Variants in OSBPL1A observed in about 807,000 individuals in gnomAD.
OSBPL1A encodes the protein oxysterol-binding protein-related protein 1.
Under a neutral mutation model 137.1 loss-of-function variants are expected in OSBPL1A, and 80 were observed. The observed-to-expected ratio is 0.58, with a 90% confidence interval of 0.49 to 0.70. The LOEUF is 0.70. Among genes scored for constraint, OSBPL1A ranks in the 30% least tolerant of loss-of-function variants. The pLI is 0.00. For synonymous variants in OSBPL1A, 365 were observed against 389.7 expected (o/e 0.94, Z 0.75); for missense variants, 970 against 1,129.4 (o/e 0.86, Z 2.02).
chr18:24,355,909 C>T (rs939106822), intron 4 of OSBPL1A, among the ~76,000 whole-genome samples: 10 of 147,468 alleles, frequency 6.8e-5, no homozygotes, highest in East Asian at 2.0e-4. Context: ...TGCTTGAACG[C>T]GGGACACAGA....
chr18:24,276,175 G>A (rs941055106), intron 15 of OSBPL1A, among the ~76,000 whole-genome samples: 9 of 152,120 alleles, frequency 5.9e-5, no homozygotes, highest in African/African-American at 2.2e-4. Context: ...TAACATCAAG[G>A]AAGCTCGATA....
chr18:24,163,951 C>T (rs984258692), intron 27 of OSBPL1A, among the ~76,000 whole-genome samples: 6 of 152,006 alleles, frequency 3.9e-5, no homozygotes, highest in African/African-American at 1.5e-4. Flanking sequence ...AGGCTGGTCT[C>T]GAACTCCTGA....
intron 4 of OSBPL1A, chr18:24,366,575 G>A (rs2091703753): frequency 4.6e-6 from 1 of 216,138 alleles, no homozygotes; most frequent in African/African-American, 2.3e-5. Context: ...TTTATGCAAT[G>A]TAAGTTATAC....
At chr18:24,186,897 C>G (rs2086759559) in intron 18 of OSBPL1A, among the ~76,000 whole-genome samples, 1 of 66,290 alleles carries the variant, frequency 1.5e-5, no homozygotes, top group Non-Finnish European at 2.6e-5. Flanking sequence ...GAACAAGACT[C>G]TGTCTCAAAA....
intron 4 of OSBPL1A, among the ~76,000 whole-genome samples, chr18:24,361,353 T>C (rs1311328858): frequency 6.6e-6 from 1 of 152,218 alleles, no homozygotes; most frequent in African/African-American, 2.4e-5. Context: ...ACTATAATTA[T>C]TCTGTAGGAA....
At position 24,283,264 on chromosome 18, in the gene OSBPL1A, C is replaced by CA. The variant is rs67218844; in HGVS notation, c.1175-2317dup. Among the ~76,000 whole-genome samples, 185 of 30,726 alleles carry CA rather than the reference C, an allele frequency of 6.0e-3. 1 individual carries two copies. The highest frequency in any genetic ancestry group is 0.042 in the Middle Eastern group (1 of 24). The allele number at this position is 30,726 out of a possible 152,430, so 20.2% of individuals were successfully genotyped here. On this transcript the variant is annotated intron_variant, in intron 14 of 27. Transcript: ENST00000319481. ...TGGGAGACAGAGCAAGACTCCATCT[C>CA]AAAAAAAAAAAAAAAAAATATATAT...
intron 1 of OSBPL1A, among the ~76,000 whole-genome samples, chr18:24,385,390 C>T (rs1906897118): frequency 6.6e-6 from 1 of 151,952 alleles, no homozygotes; most frequent in South Asian, 2.1e-4. Flanking sequence ...GATCCTGTCT[C>T]TAAAAATAAA....
At chr18:24,241,747 A>C (rs1298807777) in intron 15 of OSBPL1A, among the ~76,000 whole-genome samples, 1 of 152,184 alleles carries the variant, frequency 6.6e-6, no homozygotes, top group Non-Finnish European at 1.5e-5. Flanking sequence ...AACCAGAAAT[A>C]CCATCTGACC....
At chr18:24,379,623 T>C (rs915738868) in intron 1 of OSBPL1A, among the ~76,000 whole-genome samples, 2 of 151,922 alleles carry the variant, frequency 1.3e-5, no homozygotes, top group Non-Finnish European at 2.9e-5. Context: ...AAAGAATTTA[T>C]TTGGCAGGCC....
rs141164912 is a variant in OSBPL1A, at chr18:24,327,863, C to T, written c.625+5079G>A. Among the ~76,000 whole-genome samples the T allele has an allele frequency of 1.5e-3, 234 of 151,472 alleles. 2 individuals are homozygous for T. Among genetic ancestry groups the T allele is most frequent in the African/African-American group, 5.5e-3 (227 of 41,320 alleles). ...ACCAATAGTAACTTTTCAATATTTA[C>T]AAGGGAAGTTTTTTTTTTTCCATTT... On this transcript the variant is annotated intron_variant, in intron 7 of 27. Coordinates refer to ENST00000319481, the MANE Select transcript of OSBPL1A (RefSeq NM_080597.4).
chr18:24,171,551 G>A (rs2086287998), intron 22 of OSBPL1A, 53 bp from the exon 23 acceptor site: 2 of 1,394,304 alleles, frequency 1.4e-6, no homozygotes, highest in East Asian at 4.6e-5. Flanking sequence ...AGCAGCAGTA[G>A]AGAAAAATAA....
chr18:24,341,794 A>C (rs1442485340), intron 4 of OSBPL1A, 136 bp from the exon 5 acceptor site: 1 of 515,400 alleles, frequency 1.9e-6, no homozygotes, highest in Non-Finnish European at 3.4e-6. Flanking sequence ...CGTTATGTCT[A>C]TAATAAATGA....
intron 15 of OSBPL1A, among the ~76,000 whole-genome samples, chr18:24,245,992 C>G (rs554920750): frequency 3.3e-5 from 5 of 152,038 alleles, no homozygotes; most frequent in Admixed American, 3.3e-4. Flanking sequence ...GGTGGATCAC[C>G]CGAGGTCAGG....
At chr18:24,174,355 C>A (rs1487873957) in intron 21 of OSBPL1A, among the ~76,000 whole-genome samples, 1 of 152,196 alleles carries the variant, frequency 6.6e-6, no homozygotes, top group South Asian at 2.1e-4. Flanking sequence ...ACCAACAATA[C>A]ACAGGTTGAG....
intron 15 of OSBPL1A, among the ~76,000 whole-genome samples, chr18:24,250,364 C>A (rs944174439): frequency 1.3e-5 from 2 of 151,958 alleles, no homozygotes; most frequent in Non-Finnish European, 1.5e-5. Context: ...TTAGTAGAGA[C>A]GGGGTTTTGC....
intron 15 of OSBPL1A, among the ~76,000 whole-genome samples, chr18:24,267,153 TAAA>T (rs35547594): frequency 7.0e-6 from 1 of 143,460 alleles, no homozygotes. Flanking sequence ...CAACCTAAGT[TAAA>T]AAAAAAAAAG....
At chr18:24,358,611 C>A (rs574598713) in intron 4 of OSBPL1A, 7 of 680,152 alleles carry the variant, frequency 1.0e-5, no homozygotes, top group Non-Finnish European at 1.6e-5. Context: ...CACAGTAGGC[C>A]TTCAATACAT....
intron 15 of OSBPL1A, among the ~76,000 whole-genome samples, chr18:24,260,580 GA>G (rs2089420278): frequency 1.3e-5 from 2 of 152,248 alleles, no homozygotes; most frequent in South Asian, 4.1e-4. Flanking sequence ...CCATTTACAC[GA>G]AATGTTCAAG....
In OSBPL1A at chr18:24,332,385, C is replaced by CAAAAAAAAA. The variant is rs71163675; in HGVS notation, c.625+548_625+556dup. Among the ~76,000 whole-genome samples, 38 of 53,060 alleles carry CAAAAAAAAA rather than the reference C, an allele frequency of 7.2e-4. 2 individuals are homozygous for CAAAAAAAAA. The highest frequency in any genetic ancestry group is 3.2e-3 in the African/African-American group (34 of 10,732). 34.8% of individuals were successfully genotyped at this position (53,060 alleles called of 152,430 possible). ...TGGGCAACAGAGAGAGACTCTGTCT[C>CAAAAAAAAA]AAAAAAAAAAAAAAAAAAAAAAAAA... is the stretch of plus-strand genomic sequence containing the variant. On this transcript the variant is annotated intron_variant, in intron 7 of 27. Coordinates refer to ENST00000319481, the MANE Select transcript of OSBPL1A (RefSeq NM_080597.4).
Sources: allele counts gnomAD v4.1 joint callset (sites outside exome capture counted in the v4.1 genomes callset), GRCh38; gene constraint gnomAD v4.1.1; transcripts MANE v1.5; gene names NCBI Gene and HGNC (gene_info 2026-07-23, HGNC 2026-07-21).